ADGB: variants seen among roughly 807,000 people sequenced by gnomAD.
ADGB encodes the protein calpain-7-like protein.
Under a neutral mutation model 210.5 loss-of-function variants are expected in ADGB, and 172 were observed. The observed-to-expected ratio is 0.82, with a 90% CI of 0.72 to 0.93. The LOEUF (loss-of-function observed/expected upper bound fraction) is 0.93. Ranked by LOEUF, ADGB falls within the 40% of genes least tolerant of loss-of-function variation. ADGB has a pLI of 0.00. For missense variants in ADGB, 2,025 were observed against 1,964.8 expected, an observed-to-expected ratio of 1.03 and a Z score of -0.58; for synonymous variants, 658 against 662.7, an observed-to-expected ratio of 0.99 and a Z score of 0.11.
intron 35 of ADGB, among the ~76,000 whole-genome samples, chr6:146,810,892 T>G (rs1026677339): frequency 1.3e-5 from 2 of 152,174 alleles, no homozygotes; most frequent in Non-Finnish European, 2.9e-5. Context: ...GATGGTGCCA[T>G]CAGAATCAAT....
rs755043950 is a variant in ADGB, at chr6:146,785,627, G to C, written c.4230G>C (p.Leu1410Phe). ...GRAIKASQAR[L>F]HYLSGFIKKT... ...TTTTTTAGGCTTCTCAGGCTCGTTT[G>C]CATTACCTTAGCGGGTTCATTAAGA... The change falls in exon 32 of 36, where the codon TTG becomes TTC. Residue 1410 changes from leucine to phenylalanine, a missense_variant. By Grantham distance (22) the Leu-to-Phe change is conservative. Coordinates refer to ENST00000397944, the MANE Select transcript of ADGB (RefSeq NM_024694.4). 1.3e-6 allele frequency: 2 copies of C among 1,550,400 alleles called. No homozygotes were observed. Among genetic ancestry groups the C allele is most frequent in the South Asian group, 2.4e-5 (2 of 83,960 alleles).
At chr6:146,775,199 C>T (rs1196009572) in intron 29 of ADGB, among the ~76,000 whole-genome samples, 1 of 151,980 alleles carries the variant, frequency 6.6e-6, no homozygotes, top group Non-Finnish European at 1.5e-5. Context: ...GTCAATGTTG[C>T]CCCACTTATT....
chr6:146,700,923 G>T lies in ADGB; in HGVS notation c.1578-18G>T. ...AAGATCAAAATAACAGAAGTTTGGGGTTTTGTTTTCCTTTTAGGCATTTTG... is the reference window on the plus strand; with the variant it reads ...AAGATCAAAATAACAGAAGTTTGGGTTTTTGTTTTCCTTTTAGGCATTTTG... On this transcript the variant is annotated intron_variant, in intron 12 of 35. Transcript: ENST00000397944. 6.5e-7 allele frequency: 1 copy of T among 1,539,258 alleles called. No homozygotes were observed. Among genetic ancestry groups the T allele is most frequent in the East Asian group, 2.5e-5 (1 of 40,770 alleles).
intron 27 of ADGB, among the ~76,000 whole-genome samples, 196 bp downstream of exon 27, chr6:146,752,910 T>G (rs2114612808): frequency 6.6e-6 from 1 of 152,222 alleles, no homozygotes; most frequent in African/African-American, 2.4e-5. Context: ...TTTTAAAGCC[T>G]TTTCATCTTG....
intron 33 of ADGB, among the ~76,000 whole-genome samples, chr6:146,798,182 T>C (rs894538344): frequency 1.3e-5 from 2 of 152,174 alleles, no homozygotes; most frequent in African/African-American, 4.8e-5. Context: ...AAGGAAGTCC[T>C]TCAGGCTGAA....
chr6:146,784,565 A>G (rs1777846199), intron 30 of ADGB, 53 bp from the exon 31 acceptor site: 8 of 1,361,378 alleles, frequency 5.9e-6, no homozygotes, highest in Non-Finnish European at 7.8e-6. Flanking sequence ...TAAAATCTAG[A>G]CCCTTTTGAA....
intron 26 of ADGB, 31 bp downstream of exon 26, chr6:146,746,140 T>A: frequency 1.4e-6 from 2 of 1,401,560 alleles, no homozygotes; most frequent in Non-Finnish European, 1.9e-6. Context: ...GGGAAAGGCA[T>A]TTTTTAAAAA....
chr6:146,633,718 C>T (rs993029241), intron 1 of ADGB, among the ~76,000 whole-genome samples: 2 of 151,974 alleles, frequency 1.3e-5, no homozygotes, highest in Non-Finnish European at 2.9e-5. Flanking sequence ...AAATTGAGTA[C>T]CTTAACTCAT....
intron 16 of ADGB, among the ~76,000 whole-genome samples, chr6:146,718,346 C>CAAAAAAAA: frequency 1.2e-5 from 1 of 80,174 alleles, no homozygotes; most frequent in Non-Finnish European, 2.4e-5. Flanking sequence ...GATTCCATCT[C>CAAAAAAAA]AAAAAAAAAA....
chr6:146,617,162 T>G (rs1780814870), intron 1 of ADGB, among the ~76,000 whole-genome samples: 1 of 152,106 alleles, frequency 6.6e-6, no homozygotes, highest in East Asian at 1.9e-4. Context: ...ATCATTCACT[T>G]CTTTTGTTGC....
At chr6:146,728,459 T>C (rs900827049) in intron 19 of ADGB, 115 bp from the exon 20 acceptor site, 29 of 1,082,792 alleles carry the variant, frequency 2.7e-5, no homozygotes, top group African/African-American at 4.7e-5. Context: ...AAATCCTCTA[T>C]AAAGAATTAT....
In ADGB at chr6:146,637,962, G is replaced by A. The variant is rs562834885; in HGVS notation, c.237+2425G>A. Among the ~76,000 whole-genome samples, 22 of 151,982 alleles carry A rather than the reference G, an allele frequency of 1.4e-4. No homozygotes were observed. In the South Asian group the frequency reaches 3.5e-3, roughly 24 times the overall value. On this transcript the variant is annotated intron_variant, in intron 2 of 35. Transcript: ENST00000397944. ...AAAAAATCTTCAGGCCACTATCATC[G>A]ATGAACATCAATGCAAAAATCCTCA...
chr6:146,656,875 C>G lies in ADGB; in HGVS notation c.507C>G (p.Leu169=). The change falls in exon 5 of 36, where the codon CTC becomes CTG. Residue 169 remains leucine (L), a synonymous_variant. Transcript: ENST00000397944. ...FKGTSGEPPL[L]PWKPWEHIYS... is the part of the protein sequence containing the mutation. ...GGACTTCAGGGGAACCTCCTCTTCT[C>G]CCCTGGAAGCCCTGGGAACACATAT... The G allele has an allele frequency of 1.3e-6, 2 of 1,551,426 alleles. No individual in the cohort carries two copies. The highest frequency in any genetic ancestry group is 1.2e-5 in the South Asian group (1 of 84,010).
At chr6:146,646,674 G>C (rs1457739553) in intron 3 of ADGB, among the ~76,000 whole-genome samples, 6 of 152,108 alleles carry the variant, frequency 3.9e-5, no homozygotes, top group Non-Finnish European at 7.3e-5. Context: ...TTACAACCCT[G>C]TAGTGATTAA....
intron 28 of ADGB, 142 bp from the exon 29 acceptor site, chr6:146,768,878 G>A (rs1777613303): frequency 2.2e-6 from 1 of 461,442 alleles, no homozygotes. Context: ...GAGTTTTGGA[G>A]AACATCCAGC....
At chr6:146,663,163 T>TA (rs1215605525) in intron 5 of ADGB, among the ~76,000 whole-genome samples, 1 of 141,042 alleles carries the variant, frequency 7.1e-6, no homozygotes, top group African/African-American at 2.6e-5. Context: ...ATAATATATA[T>TA]TTATTATATA....
At chr6:146,625,439 G>A (rs1223889494) in intron 1 of ADGB, among the ~76,000 whole-genome samples, 1 of 151,966 alleles carries the variant, frequency 6.6e-6, no homozygotes, top group African/African-American at 2.4e-5. Flanking sequence ...TCTTTATAAA[G>A]TAGATTTCCT....
In ADGB at chr6:146,635,237, G is replaced by A. The variant is rs142367562; in HGVS notation, c.75-138G>A. The A allele has an allele frequency of 2.9e-3, 2,164 of 751,346 alleles. 124 individuals carry two copies. The Admixed American group carries it at 0.083, about 29-fold the overall frequency. 46.5% of individuals were successfully genotyped at this position (751,346 alleles called of 1,614,324 possible). On this transcript the variant is annotated intron_variant, in intron 1 of 35. Transcript: ENST00000397944. ...AAACTTAACATGTAGAAGTTGCCTA[G>A]CCACAAGTATGATTGTATTAAAAAT...
At chr6:146,682,566 A>G (rs1776172233) in intron 9 of ADGB, among the ~76,000 whole-genome samples, 1 of 152,110 alleles carries the variant, frequency 6.6e-6, no homozygotes, top group Non-Finnish European at 1.5e-5. Flanking sequence ...ATACAAAGTT[A>G]CTCCAACAAC....
Sources: gnomAD v4.1 joint callset for allele counts (sites outside exome capture counted in the v4.1 genomes callset) on GRCh38, gnomAD v4.1.1 for gene constraint, MANE v1.5 for transcripts, NCBI Gene and HGNC (gene_info 2026-07-23, HGNC 2026-07-21) for gene names.